The following ANO1 variants were observed in gnomAD, a reference collection of about 807,000 sequenced individuals.
The protein encoded by ANO1 is anoctamin 1, also known as anoctamin-1.
In ANO1, 59 loss-of-function variants were observed where a neutral mutation model predicts 124.0. The ratio of observed to expected loss-of-function variants is 0.48; its 90% confidence interval spans 0.39 to 0.59. The LOEUF (loss-of-function observed/expected upper bound fraction) is 0.59. Among genes scored for constraint, ANO1 ranks in the 20% least tolerant of loss-of-function variants. The pLI is 0.00. For synonymous variants in ANO1, 529 were observed against 532.0 expected (o/e 0.99, Z 0.08); for missense variants, 1,059 against 1,328.0 (o/e 0.80, Z 3.15).
upstream of ANO1, among the ~76,000 whole-genome samples, chr11:70,075,643 G>A (rs1023127619): frequency 8.7e-4 from 132 of 152,232 alleles, no homozygotes; most frequent in African/African-American, 2.9e-3. Flanking sequence ...TTCATGAGCA[G>A]GGAATTAATC....
At chr11:70,165,170 G>A (rs371732905) in intron 19 of ANO1, among the ~76,000 whole-genome samples, 6 of 152,060 alleles carry the variant, frequency 3.9e-5, no homozygotes, top group Non-Finnish European at 5.9e-5. Flanking sequence ...ACCCTCTGCC[G>A]CCATGTTCAC....
intron 2 of ANO1, among the ~76,000 whole-genome samples, chr11:70,102,308 A>C (rs541133972): frequency 6.6e-6 from 1 of 152,134 alleles, no homozygotes; most frequent in Non-Finnish European, 1.5e-5. Context: ...CAAGCTGGCC[A>C]TGAAGGTTGA....
chr11:70,139,914 T>C (rs1402749850), intron 11 of ANO1, among the ~76,000 whole-genome samples: 2 of 152,236 alleles, frequency 1.3e-5, no homozygotes, highest in Non-Finnish European at 2.9e-5. Context: ...ACACGTGCCT[T>C]GCTTGTTCCT....
chr11:70,183,231 T>G (rs1296147853), intron 24 of ANO1, among the ~76,000 whole-genome samples: 4 of 152,218 alleles, frequency 2.6e-5, no homozygotes, highest in Admixed American at 2.6e-4. Flanking sequence ...GCCATCAGGC[T>G]CCACTCTGGC....
chr11:70,136,407 T>G (rs554029314), intron 11 of ANO1, among the ~76,000 whole-genome samples: 1 of 152,176 alleles, frequency 6.6e-6, no homozygotes, highest in South Asian at 2.1e-4. Context: ...CCCATGACCC[T>G]GAGAGTGAGT....
chr11:70,027,311 C>T (rs556525114), intron 1 of ANO1, among the ~76,000 whole-genome samples: 131 of 152,278 alleles, frequency 8.6e-4, no homozygotes, highest in African/African-American at 3.1e-3. Flanking sequence ...CATTAGCCTA[C>T]AGCCGGGCAG....
At chr11:69,978,548 G>A in the ANO1 span, among the ~76,000 whole-genome samples, 1 of 152,128 alleles carries the variant, frequency 6.6e-6, no homozygotes, top group Non-Finnish European at 1.5e-5. Flanking sequence ...GCAGGGTCTT[G>A]CCATGTTTCC....
intron 11 of ANO1, among the ~76,000 whole-genome samples, chr11:70,143,984 C>G (rs1251084392): frequency 6.6e-6 from 1 of 152,116 alleles, no homozygotes; most frequent in Non-Finnish European, 1.5e-5. Context: ...CAGTCGGTCC[C>G]CCTTTCCCCC....
chr11:70,077,293 G>A (rs944404508), upstream of ANO1, among the ~76,000 whole-genome samples: 1 of 152,182 alleles, frequency 6.6e-6, no homozygotes, highest in Non-Finnish European at 1.5e-5. Context: ...AGACAGGAAG[G>A]CCTGCATATT....
upstream of ANO1, chr11:70,075,290 C>T (rs2044044003): frequency 6.6e-6 from 1 of 152,210 alleles, no homozygotes; most frequent in South Asian, 2.1e-4. Context: ...AGCCACCCTC[C>T]TGACAGCTTG....
At chr11:69,973,631 T>C in the ANO1 span, among the ~76,000 whole-genome samples, 9 of 152,142 alleles carry the variant, frequency 5.9e-5, no homozygotes, top group South Asian at 4.2e-4. Flanking sequence ...CCCCGCACTT[T>C]GGGAGGCCGA....
chr11:70,132,059 C>T lies in ANO1; in HGVS notation c.1238C>T (p.Ser413Phe). 4 of 1,598,860 alleles carry T rather than the reference C, an allele frequency of 2.5e-6. No homozygotes were observed. Among genetic ancestry groups the T allele is most frequent in the Non-Finnish European group, 3.4e-6 (4 of 1,175,978 alleles). The change falls in exon 11 of 26, where the codon TCT (serine) becomes TTT (phenylalanine). Residue 413 changes from serine (S) to phenylalanine (F), a missense_variant. Ser to Phe is a radical substitution (Grantham distance 155, BLOSUM62 -2). Coordinates refer to ENST00000355303, the MANE Select transcript of ANO1 (RefSeq NM_018043.7). ...GACAACCCCGCCACGGTCTTCTTCT[C>T]TGTCTTCATGGCCCTCTGGGGTAAG... is the stretch of plus-strand genomic sequence containing the variant. ...LFDNPATVFF[S>F]VFMALWAATF...
chr11:70,182,720 C>T (rs755067620), intron 24 of ANO1, 34 bp downstream of exon 24: 4 of 1,437,046 alleles, frequency 2.8e-6, no homozygotes, highest in East Asian at 2.6e-5. Flanking sequence ...TGAAAAGCCA[C>T]GTTTATTGGG....
intron 1 of ANO1, among the ~76,000 whole-genome samples, chr11:70,024,051 C>T (rs1856850215): frequency 6.6e-6 from 1 of 152,234 alleles, no homozygotes; most frequent in Admixed American, 6.5e-5. Flanking sequence ...CATCTCTCTC[C>T]TCCTCTTGGC....
At chr11:70,124,081 G>A (rs1393658056) in intron 8 of ANO1, among the ~76,000 whole-genome samples, 1 of 152,198 alleles carries the variant, frequency 6.6e-6, no homozygotes, top group Non-Finnish European at 1.5e-5. Context: ...GTCTGATGGG[G>A]ATGACCAAAA....
chr11:70,157,672 A>G (rs1392868331), intron 16 of ANO1, among the ~76,000 whole-genome samples: 2 of 152,154 alleles, frequency 1.3e-5, no homozygotes. Context: ...ATATCATTTA[A>G]GATGAAACTG....
upstream of ANO1, chr11:70,075,603 T>C (rs1032650950): frequency 3.3e-5 from 5 of 152,086 alleles, no homozygotes; most frequent in Non-Finnish European, 7.4e-5. Context: ...AAATGCACCA[T>C]CTAGACGAAT....
intron 17 of ANO1, 99 bp downstream of exon 17, chr11:70,161,461 G>GGT: frequency 6.9e-7 from 1 of 1,453,500 alleles, no homozygotes. Flanking sequence ...AACTTCTCTG[G>GGT]GCCCCAGCTC....
At chr11:70,070,777 G>A (rs1312689687) in intron 1 of ANO1, among the ~76,000 whole-genome samples, 7 of 152,210 alleles carry the variant, frequency 4.6e-5, no homozygotes, top group African/African-American at 1.7e-4. Flanking sequence ...ACACTTGAGC[G>A]AATGAATGAG....
Sources: gnomAD v4.1 joint callset for allele counts (sites outside exome capture counted in the v4.1 genomes callset) on GRCh38, gnomAD v4.1.1 for gene constraint, MANE v1.5 for transcripts, NCBI Gene and HGNC (gene_info 2026-07-23, HGNC 2026-07-21) for gene names.